The following SLC9A1 variants were observed in gnomAD, a reference collection of about 807,000 sequenced individuals.
The protein encoded by SLC9A1 is sodium/hydrogen exchanger 1.
A neutral mutation model predicts 67.9 loss-of-function variants in SLC9A1; 22 were observed. The observed-to-expected ratio is 0.32, with a 90% CI of 0.23 to 0.46. The LOEUF (loss-of-function observed/expected upper bound fraction) is 0.46. SLC9A1 is among the 20% of genes least tolerant of loss of function. SLC9A1 has a pLI of 1.00. For synonymous variants in SLC9A1, 421 were observed against 471.8 expected (o/e 0.89, Z 1.40); for missense variants, 686 against 1,094.8 (o/e 0.63, Z 5.27).
chr1:27,117,040 T>C (rs2083276773), intron 1 of SLC9A1, among the ~76,000 whole-genome samples: 1 of 151,740 alleles, frequency 6.6e-6, no homozygotes, highest in Admixed American at 6.6e-5. Flanking sequence ...TTCTGGTGCT[T>C]CCCTCTCTCA....
At chr1:27,135,188 C>G (rs1004558720) in intron 1 of SLC9A1, among the ~76,000 whole-genome samples, 1 of 150,206 alleles carries the variant, frequency 6.7e-6, no homozygotes, top group Non-Finnish European at 1.5e-5. Context: ...TAGCTGGGAC[C>G]ACAGGCCTGT....
chr1:27,127,797 C>T (rs761784154), intron 1 of SLC9A1, among the ~76,000 whole-genome samples: 1 of 152,162 alleles, frequency 6.6e-6, no homozygotes, highest in Non-Finnish European at 1.5e-5. Context: ...TGGGTGAGCA[C>T]CCCCTCCATC....
In SLC9A1 at chr1:27,130,359, C is replaced by A. The variant is rs143066182; in HGVS notation, c.353-16073G>T. Among the ~76,000 whole-genome samples, 124 of 152,320 alleles carry A rather than the reference C, an allele frequency of 8.1e-4. 1 individual carries two copies. The highest frequency in any genetic ancestry group is 2.8e-3 in the African/African-American group (118 of 41,572). ...CCTCGTGATCCGCCTGCCTCGGCCT[C>A]CCAAAGTGCTGGGATTACAGGCGTG... is the stretch of plus-strand genomic sequence containing the variant. On this transcript the variant is annotated intron_variant, in intron 1 of 11. Transcript: ENST00000263980.
intron 1 of SLC9A1, among the ~76,000 whole-genome samples, chr1:27,130,202 G>A (rs1280468679): frequency 6.6e-6 from 1 of 152,232 alleles, no homozygotes; most frequent in Non-Finnish European, 1.5e-5. Context: ...CTGGGTTCAC[G>A]CGATTGTCCC....
intron 5 of SLC9A1, among the ~76,000 whole-genome samples, chr1:27,104,534 G>A (rs1287657310): frequency 6.6e-6 from 1 of 152,050 alleles, no homozygotes; most frequent in Non-Finnish European, 1.5e-5. Flanking sequence ...ACTTACAGGT[G>A]TGTACCACCA....
rs1404172862 is a variant in SLC9A1, at chr1:27,106,916, C to T, written c.1282+732G>A. On this transcript the variant is annotated intron_variant, in intron 4 of 11. Coordinates refer to ENST00000263980, the MANE Select transcript of SLC9A1 (RefSeq NM_003047.5). The surrounding 1 kb of genome is among the most constrained non-coding windows in gnomAD (Gnocchi z 4.3). The stretch of plus-strand genomic sequence containing the variant: ...CAGGCTCAGAGTCTCAGGGCCCCCT[C>T]ACTTTGACACAGCCTGACTCTGTCC... Among the ~76,000 whole-genome samples the T allele has an allele frequency of 6.6e-6, 1 of 151,912 alleles. No individual in the cohort carries two copies. The highest frequency in any genetic ancestry group is 1.5e-5 in the Non-Finnish European group (1 of 67,934).
intron 1 of SLC9A1, among the ~76,000 whole-genome samples, chr1:27,124,122 G>C (rs1476589457): frequency 6.6e-6 from 1 of 152,088 alleles, no homozygotes; most frequent in Non-Finnish European, 1.5e-5. Flanking sequence ...CCAGACTGCT[G>C]TCAGGACTTA....
chr1:27,102,197 C>T (rs2083151192), intron 8 of SLC9A1, 67 bp from the exon 9 acceptor site: 1 of 1,457,826 alleles, frequency 6.9e-7, no homozygotes, highest in East Asian at 2.3e-5. Flanking sequence ...CAGGTTTGGC[C>T]AGAAGGAAGT....
Position 27,101,896 on chromosome 1 carries a change from G to C in SLC9A1, c.1936-70C>G. 6.9e-7 allele frequency: 1 copy of C among 1,445,924 alleles called. No homozygotes were observed. Among genetic ancestry groups the C allele is most frequent in the Non-Finnish European group, 9.7e-7 (1 of 1,032,354 alleles). The allele number at this position is 1,445,924 out of a possible 1,614,324, so 89.6% of individuals were successfully genotyped here. ...CTGCTCATGGAGGGGTGGGGGCAGTGCTGGAGGCCGGGCCAGTCCTGGGGT... is the reference window on the plus strand; with the variant it reads ...CTGCTCATGGAGGGGTGGGGGCAGTCCTGGAGGCCGGGCCAGTCCTGGGGT... On this transcript the variant is annotated intron_variant, in intron 9 of 11. Coordinates refer to ENST00000263980, the MANE Select transcript of SLC9A1 (RefSeq NM_003047.5). The surrounding 1 kb of genome is among the most constrained non-coding windows in gnomAD (Gnocchi z 4.9).
Position 27,154,521 on chromosome 1 carries a change from A to G in SLC9A1, c.-187T>C, listed in dbSNP as rs2083553368. The G allele has an allele frequency of 1.9e-6, 1 of 521,272 alleles. No homozygotes were observed. The highest frequency in any genetic ancestry group is 3.2e-5 in the East Asian group (1 of 31,652). 32.3% of individuals were successfully genotyped at this position (521,272 alleles called of 1,614,324 possible). A position where few individuals can be genotyped will look rare whatever the true frequency, so the allele number is the denominator to read the frequency against. On this transcript the variant is annotated 5_prime_UTR_variant, in exon 1 of 12. Transcript: ENST00000263980. Reference sequence around the variant, plus strand: ...AGGGAGGCTGGGTTTGCAATCTGGAACTCCAAAGTGGGGAAAGGGGGCAAG... The same window carrying G: ...AGGGAGGCTGGGTTTGCAATCTGGAGCTCCAAAGTGGGGAAAGGGGGCAAG...
intron 1 of SLC9A1, among the ~76,000 whole-genome samples, chr1:27,123,524 A>G (rs2083319284): frequency 6.6e-6 from 1 of 150,838 alleles, no homozygotes. Context: ...TTTTTTTTAG[A>G]CAGAGTCTCG....
chr1:27,147,323 A>AAAT (rs2083494313), intron 1 of SLC9A1, among the ~76,000 whole-genome samples: 1 of 141,552 alleles, frequency 7.1e-6, no homozygotes, highest in African/African-American at 2.7e-5. Flanking sequence ...AAAAAAAAAG[A>AAAT]AAAGAAAAAA....
At chr1:27,130,176 C>T (rs1352340211) in intron 1 of SLC9A1, among the ~76,000 whole-genome samples, 10 of 152,254 alleles carry the variant, frequency 6.6e-5, no homozygotes, top group Non-Finnish European at 1.5e-4. Context: ...TCTTGGCTCA[C>T]TGCAACCTCC....
chr1:27,143,046 T>TGTA (rs763501204), intron 1 of SLC9A1, among the ~76,000 whole-genome samples: 1 of 98,462 alleles, frequency 1.0e-5, no homozygotes, highest in African/African-American at 4.0e-5. Flanking sequence ...ATCAACTGTG[T>TGTA]AAAAAAAAAA....
chr1:27,101,884 G>A lies in SLC9A1; in HGVS notation c.1936-58C>T, dbSNP rs933147942. 7 of 1,471,494 alleles carry A rather than the reference G, an allele frequency of 4.8e-6. No individual in the cohort carries two copies. The African/African-American group carries it at 6.9e-5, about 15-fold the overall frequency. 91.2% of individuals were successfully genotyped at this position (1,471,494 alleles called of 1,614,324 possible). A position where few individuals can be genotyped will look rare whatever the true frequency, so the allele number is the denominator to read the frequency against. On this transcript the variant is annotated intron_variant, in intron 9 of 11. Coordinates refer to ENST00000263980, the MANE Select transcript of SLC9A1 (RefSeq NM_003047.5). This position sits in a 1 kb window ranked among gnomAD's most constrained non-coding sequence, Gnocchi z 4.9. ...CCCCGGAAGGCTCTGCTCATGGAGGGGTGGGGGCAGTGCTGGAGGCCGGGC... is the reference window on the plus strand; with the variant it reads ...CCCCGGAAGGCTCTGCTCATGGAGGAGTGGGGGCAGTGCTGGAGGCCGGGC...
intron 1 of SLC9A1, among the ~76,000 whole-genome samples, chr1:27,123,338 C>A (rs1194083918): frequency 6.6e-6 from 1 of 152,074 alleles, no homozygotes; most frequent in Non-Finnish European, 1.5e-5. Flanking sequence ...GAAGACTTTT[C>A]TGTATCTATA....
chr1:27,131,580 T>G (rs2083384690), intron 1 of SLC9A1, among the ~76,000 whole-genome samples: 1 of 150,606 alleles, frequency 6.6e-6, no homozygotes, highest in South Asian at 2.1e-4. Flanking sequence ...AAGCCCTGTC[T>G]CTTCTCAAAA....
At chr1:27,134,371 A>G (rs959041886) in intron 1 of SLC9A1, among the ~76,000 whole-genome samples, 4 of 152,200 alleles carry the variant, frequency 2.6e-5, no homozygotes, top group African/African-American at 7.2e-5. Flanking sequence ...TTACATAATA[A>G]CCAGCACACA....
At chr1:27,125,541 C>G (rs1325495165) in intron 1 of SLC9A1, among the ~76,000 whole-genome samples, 1 of 151,240 alleles carries the variant, frequency 6.6e-6, no homozygotes, top group Non-Finnish European at 1.5e-5. Context: ...CCACTGCGCC[C>G]AGCCCACATA....
Sources: gnomAD v4.1 joint callset for allele counts (sites outside exome capture counted in the v4.1 genomes callset) on GRCh38, gnomAD v4.1.1 for gene constraint, Gnocchi (gnomAD v3.1) non-coding constraint, MANE v1.5 for transcripts, NCBI Gene and HGNC (gene_info 2026-07-23, HGNC 2026-07-21) for gene names.